Variants in MALRD1 observed in about 807,000 individuals in gnomAD.
MALRD1 encodes the protein MAM and LDL-receptor class A domain-containing protein 1.
MALRD1 carries 247 observed loss-of-function variants against 242.1 expected under a neutral mutation model. The observed-to-expected ratio is 1.02, with a 90% CI of 0.92 to 1.13. MALRD1 has a LOEUF of 1.13. Ranked by LOEUF, MALRD1 falls within the 50% of genes most tolerant of loss-of-function variation. The probability of loss-of-function intolerance (pLI) is 0.00; values close to 1 mark genes in which losing one functional copy is unlikely to be tolerated. For synonymous variants in MALRD1, 995 were observed against 866.6 expected, an observed-to-expected ratio of 1.15 and a Z score of -2.60; for missense variants, 2,989 against 2,533.1, an observed-to-expected ratio of 1.18 and a Z score of -3.86.
intron 28 of MALRD1, among the ~76,000 whole-genome samples, chr10:19,397,970 T>C (rs748909581): frequency 6.6e-6 from 1 of 152,064 alleles, no homozygotes; most frequent in Non-Finnish European, 1.5e-5. Flanking sequence ...TTAAGACTCA[T>C]GTATATTAAG....
At chr10:19,359,007 G>A (rs1365078337) in intron 26 of MALRD1, among the ~76,000 whole-genome samples, 1 of 152,110 alleles carries the variant, frequency 6.6e-6, no homozygotes, top group Non-Finnish European at 1.5e-5. Flanking sequence ...GGAGAAGAAA[G>A]AACAGTCACA....
At chr10:19,148,991 G>T (rs1210622399) in intron 11 of MALRD1, among the ~76,000 whole-genome samples, 1 of 151,716 alleles carries the variant, frequency 6.6e-6, no homozygotes, top group African/African-American at 2.4e-5. Flanking sequence ...TAATAATTCC[G>T]ATATCTAAGA....
At chr10:19,665,509 T>C (rs777910563) in intron 36 of MALRD1, among the ~76,000 whole-genome samples, 37 of 152,238 alleles carry the variant, frequency 2.4e-4, no homozygotes, top group Non-Finnish European at 4.3e-4. Flanking sequence ...TCATTCTCTG[T>C]GGTTTTTTTC....
intron 38 of MALRD1, among the ~76,000 whole-genome samples, chr10:19,715,592 TTAG>T (rs752860319): frequency 1.7e-3 from 261 of 152,312 alleles, no homozygotes; most frequent in Non-Finnish European, 3.0e-3. Context: ...CCCCCAGTGC[TTAG>T]TAGAACAAAG....
chr10:19,345,028 G>A (rs1844047370), intron 24 of MALRD1, among the ~76,000 whole-genome samples: 1 of 152,038 alleles, frequency 6.6e-6, no homozygotes, highest in African/African-American at 2.4e-5. Flanking sequence ...AAGACTATGT[G>A]CTCCTTTTAT....
At chr10:19,087,969 T>A (rs1185757512) in intron 3 of MALRD1, 35 bp downstream of exon 3, 2 of 1,232,542 alleles carry the variant, frequency 1.6e-6, no homozygotes, top group Middle Eastern at 2.1e-4. Context: ...AAATATTTTG[T>A]CACATTTGGG....
intron 26 of MALRD1, among the ~76,000 whole-genome samples, chr10:19,368,632 T>C (rs1845211773): frequency 6.6e-6 from 1 of 151,946 alleles, no homozygotes; most frequent in Admixed American, 6.6e-5. Flanking sequence ...AGTATTAAGG[T>C]TTTTTTATAT....
chr10:19,123,658 C>A (rs1440598183), intron 6 of MALRD1, 65 bp downstream of exon 6: 1 of 961,278 alleles, frequency 1.0e-6, no homozygotes, highest in Non-Finnish European at 1.4e-6. Context: ...TCAGACCACT[C>A]ACAGGAAAGT....
intron 6 of MALRD1, 89 bp from the exon 7 acceptor site, chr10:19,124,434 TA>T: frequency 1.8e-6 from 2 of 1,104,556 alleles, no homozygotes; most frequent in Non-Finnish European, 2.3e-6. Flanking sequence ...TGTGTGTATA[TA>T]AGCTTTTTGG....
chr10:19,359,132 A>G lies in MALRD1; in HGVS notation c.4441+6835A>G, dbSNP rs145335886. Among the ~76,000 whole-genome samples, 37 of 152,300 alleles carry G rather than the reference A, an allele frequency of 2.4e-4. 1 individual carries two copies. Among genetic ancestry groups the G allele is most frequent in the Admixed American group, 2.3e-3 (35 of 15,280 alleles). On this transcript the variant is annotated intron_variant, in intron 26 of 39. Transcript: ENST00000454679. The stretch of plus-strand genomic sequence containing the variant: ...ACAAAACAGAACTGAGATTCAGAGA[A>G]GTTGATGAGTTGGCTGGATATGATG...
In MALRD1 at chr10:19,651,723, C is replaced by G. The variant is rs370702642; in HGVS notation, c.6137+35800C>G. Among the ~76,000 whole-genome samples, 10 of 152,150 alleles carry G rather than the reference C, an allele frequency of 6.6e-5. No individual in the cohort carries two copies. The South Asian group carries it at 1.5e-3, about 22-fold the overall frequency. ...AATATAATGAGATATTGCACAACAT[C>G]TCACTGTAAAAGACATGTAAGCACT... On this transcript the variant is annotated intron_variant, in intron 36 of 39. Transcript: ENST00000454679.
At chr10:19,554,334 C>T (rs1313851419) in intron 32 of MALRD1, among the ~76,000 whole-genome samples, 1 of 152,028 alleles carries the variant, frequency 6.6e-6, no homozygotes, top group Non-Finnish European at 1.5e-5. Context: ...AGAGCAGGAG[C>T]AAGAGGTGGA....
chr10:19,238,034 T>C (rs367882673), intron 18 of MALRD1, among the ~76,000 whole-genome samples: 4 of 51,432 alleles, frequency 7.8e-5, no homozygotes, highest in Non-Finnish European at 1.4e-4. Context: ...TATACAGTTA[T>C]ATATAATTCT....
At chr10:19,656,997 A>G (rs1321161768) in intron 36 of MALRD1, among the ~76,000 whole-genome samples, 1 of 152,216 alleles carries the variant, frequency 6.6e-6, no homozygotes, top group East Asian at 1.9e-4. Context: ...GCACCAATGT[A>G]GATACGGATC....
At chr10:19,666,093 G>T (rs987177829) in intron 36 of MALRD1, among the ~76,000 whole-genome samples, 19 of 152,050 alleles carry the variant, frequency 1.2e-4, no homozygotes, top group African/African-American at 4.6e-4. Context: ...AAAGCCACAA[G>T]CTTCTTTGAG....
At chr10:19,388,814 A>C (rs773941542) in intron 27 of MALRD1, among the ~76,000 whole-genome samples, 2 of 144,846 alleles carry the variant, frequency 1.4e-5, no homozygotes, top group East Asian at 4.4e-4. Flanking sequence ...TGAAGAAGTG[A>C]CCCTGAATCC....
intron 24 of MALRD1, among the ~76,000 whole-genome samples, chr10:19,344,097 G>A (rs944518445): frequency 8.6e-5 from 13 of 151,962 alleles, no homozygotes; most frequent in East Asian, 3.9e-4. Flanking sequence ...TTTTCTCCCC[G>A]GCTTTGGGTT....
intron 18 of MALRD1, among the ~76,000 whole-genome samples, chr10:19,229,822 T>G (rs989890124): frequency 6.6e-6 from 1 of 152,136 alleles, no homozygotes; most frequent in Admixed American, 6.5e-5. Flanking sequence ...TTCTCTAGAC[T>G]GCTGTGACCC....
chr10:19,692,818 TTA>T (rs1436172069), intron 38 of MALRD1, among the ~76,000 whole-genome samples: 1 of 143,556 alleles, frequency 7.0e-6, no homozygotes. Context: ...TATATGAAAT[TTA>T]TATATATATG....
Sources: gnomAD v4.1 joint callset for allele counts (sites outside exome capture counted in the v4.1 genomes callset) on GRCh38, gnomAD v4.1.1 for gene constraint, MANE v1.5 for transcripts, NCBI Gene and HGNC (gene_info 2026-07-23, HGNC 2026-07-21) for gene names.